The following REC8 variants were observed in gnomAD, a reference collection of about 807,000 sequenced individuals.
The protein encoded by REC8 is REC8 meiotic recombination protein.
A neutral mutation model predicts 78.3 loss-of-function variants in REC8; 42 were observed. The observed-to-expected ratio is 0.54, with a 90% confidence interval of 0.42 to 0.69. The LOEUF (loss-of-function observed/expected upper bound fraction) is 0.69. Among genes scored for constraint, REC8 ranks in the 30% least tolerant of loss-of-function variants. The pLI, the probability that REC8 is intolerant of heterozygous loss-of-function variation, is 0.00. For synonymous variants in REC8, 268 were observed against 274.1 expected, an observed-to-expected ratio of 0.98 and a Z score of 0.22; for missense variants, 581 against 715.8, an observed-to-expected ratio of 0.81 and a Z score of 2.15.
rs368398899 is a variant in REC8, at chr14:24,178,221, G to A, written c.995G>A (p.Cys332Tyr). The change falls in exon 12 of 19, where the codon TGT (cysteine) becomes TAT (tyrosine). Residue 332 changes from cysteine to tyrosine, a missense_variant and splice_region_variant. Transcript: ENST00000611366. ...QLQTRAHCWECPMVQPPERTI... is the reference protein window; with the variant it reads ...QLQTRAHCWEYPMVQPPERTI... Reference sequence around the variant, plus strand: ...CAAACCAGAGCCCACTGCTGGGAATGTGTGAGTGCAGCCCAGGCTTTGCCG... The same window carrying A: ...CAAACCAGAGCCCACTGCTGGGAATATGTGAGTGCAGCCCAGGCTTTGCCG... The A allele has an allele frequency of 1.9e-5, 30 of 1,613,362 alleles. No homozygotes were observed. Among genetic ancestry groups the A allele is most frequent in the Non-Finnish European group, 2.4e-5 (28 of 1,179,464 alleles).
In REC8 at chr14:24,180,093, T is replaced by C; in HGVS notation, c.1642T>C (p.Ter548ArgextTer2). ...LLIQPGPRFH* is the reference protein window; with the variant it reads ...LLIQPGPRFHR ...GATCCAGCCGGGGCCCAGATTCCACTGAGGTTAGAGTCCATTTACAAAGCT... is the reference window on the plus strand; with the variant it reads ...GATCCAGCCGGGGCCCAGATTCCACCGAGGTTAGAGTCCATTTACAAAGCT... The change falls in exon 19 of 19, where the codon TGA becomes CGA. Residue 548 changes from the stop codon to arginine (R), a stop_lost. Coordinates refer to ENST00000611366, the MANE Select transcript of REC8 (RefSeq NM_001048205.2). The C allele has an allele frequency of 6.2e-7, 1 of 1,614,152 alleles. No individual in the cohort carries two copies. The highest frequency in any genetic ancestry group is 8.5e-7 in the Non-Finnish European group (1 of 1,180,044).
At chr14:24,175,731 T>A in intron 6 of REC8, 107 bp downstream of exon 6, 1 of 764,510 alleles carries the variant, frequency 1.3e-6, no homozygotes, top group Non-Finnish European at 2.2e-6. Context: ...GGGCGCTTTT[T>A]TTTTTTTTCG....
At position 24,178,844 on chromosome 14, in the gene REC8, C is replaced by T; in HGVS notation, c.1131C>T (p.Leu377=). The part of the protein sequence containing the change: ...THCAQPPPKA[L]RRELPEEAAA... ...GTGCCCAGCCACCCCCAAAAGCCCT[C>T]AGGCGAGAGCTGCCTGAGGAGGCAG... Residue 377 remains leucine (L), a synonymous_variant, in exon 14 of 19, where the codon CTC becomes CTT. Transcript: ENST00000611366. The T allele has an allele frequency of 6.2e-7, 1 of 1,613,776 alleles. No individual in the cohort carries two copies. Among genetic ancestry groups the T allele is most frequent in the Non-Finnish European group, 8.5e-7 (1 of 1,180,004 alleles).
intron 11 of REC8, 22 bp downstream of exon 11, chr14:24,177,780 C>T (rs773376431): frequency 5.5e-6 from 8 of 1,455,584 alleles, no homozygotes; most frequent in East Asian, 4.7e-5. Flanking sequence ...CCCTTCTAAT[C>T]CTCCTCCTCC....
At chr14:24,173,519 C>T in intron 5 of REC8, 108 bp downstream of exon 5, 1 of 1,551,736 alleles carries the variant, frequency 6.4e-7, no homozygotes, top group Non-Finnish European at 8.7e-7. Flanking sequence ...ACAGCTCTCT[C>T]CCACAGGAGA....
In REC8 at chr14:24,172,890, G is replaced by T. The variant is rs377239745; in HGVS notation, c.126-9G>T. The T allele has an allele frequency of 1.9e-6, 3 of 1,613,196 alleles. No individual in the cohort carries two copies. The highest frequency in any genetic ancestry group is 2.5e-6 in the Non-Finnish European group (3 of 1,180,010). On this transcript the variant is annotated splice_polypyrimidine_tract_variant and intron_variant, in intron 2 of 18. Coordinates refer to ENST00000611366, the MANE Select transcript of REC8 (RefSeq NM_001048205.2). ...GACGCAGCGGTAATCAGGGCGCATT[G>T]TTCCCCAGCGAGGAAATCCTCAATT... is the stretch of plus-strand genomic sequence containing the variant.
In REC8 at chr14:24,176,429, G is replaced by C. The variant is rs1230957678; in HGVS notation, c.545-393G>C. On this transcript the variant is annotated intron_variant, in intron 6 of 18. Transcript: ENST00000611366. ...GATGATCATAGGTCACTGCAGCCTT[G>C]ACCTCCAGGGCTCAAGCAATCCTCC... 2.1e-5 allele frequency among the ~76,000 whole-genome samples: 3 copies of C among 143,838 alleles called. No individual in the cohort carries two copies. In the East Asian group the frequency reaches 6.3e-4, roughly 30 times the overall value. 94.4% of individuals were successfully genotyped at this position (143,838 alleles called of 152,430 possible). A position where few individuals can be genotyped will look rare whatever the true frequency, so the allele number is the denominator to read the frequency against.
Position 24,180,232 on chromosome 14 carries a change from G to A in REC8, c.*137G>A. 1 of 1,582,882 alleles carries A rather than the reference G, an allele frequency of 6.3e-7. No homozygotes were observed. Among genetic ancestry groups the A allele is most frequent in the South Asian group, 1.1e-5 (1 of 88,198 alleles). ...TGCTCTCAGAGCTATTGTTCAAGCA[G>A]AAAACAAGCTGCTTTTATTACAGTA... is the stretch of plus-strand genomic sequence containing the variant. On this transcript the variant is annotated 3_prime_UTR_variant, in exon 19 of 19. Transcript: ENST00000611366.
At chr14:24,180,450 G>T, downstream of REC8, 1 of 1,610,506 alleles carries the variant, frequency 6.2e-7, no homozygotes, top group Non-Finnish European at 8.5e-7. Context: ...GTCTAGGAGA[G>T]GCCCAGTACA....
rs1454064473 is a variant in REC8, at chr14:24,173,048, C to T, written c.268+7C>T. The T allele has an allele frequency of 1.9e-6, 3 of 1,609,890 alleles. No homozygotes were observed. Among genetic ancestry groups the T allele is most frequent in the East Asian group, 2.2e-5 (1 of 44,904 alleles). On this transcript the variant is annotated splice_region_variant and intron_variant, in intron 3 of 18. Coordinates refer to ENST00000611366, the MANE Select transcript of REC8 (RefSeq NM_001048205.2). ...CAATGCCAGTACCTCGTGGGTAAGG[C>T]TGGGAACCCTCAAAGGTGGGGCGGG...
chr14:24,175,702 A>G (rs1290945230), intron 6 of REC8, 78 bp downstream of exon 6: 1 of 1,160,744 alleles, frequency 8.6e-7, no homozygotes, highest in East Asian at 2.4e-5. Flanking sequence ...TTTTGAGCTT[A>G]AGAGCCAGGC....
At position 24,172,894 on chromosome 14, in the gene REC8, C is replaced by T. The variant is rs2038730416; in HGVS notation, c.126-5C>T. On this transcript the variant is annotated splice_polypyrimidine_tract_variant and splice_region_variant and intron_variant, in intron 2 of 18. Coordinates refer to ENST00000611366, the MANE Select transcript of REC8 (RefSeq NM_001048205.2). ...CAGCGGTAATCAGGGCGCATTGTTC[C>T]CCAGCGAGGAAATCCTCAATTACGT... 1.2e-6 allele frequency: 2 copies of T among 1,613,146 alleles called. No individual in the cohort carries two copies. Among genetic ancestry groups the T allele is most frequent in the Non-Finnish European group, 1.7e-6 (2 of 1,180,012 alleles).
In REC8 at chr14:24,172,928, G is replaced by A. The variant is rs1343819607; in HGVS notation, c.155G>A (p.Arg52Gln). ...GAAATCCTCAATTACGTGCTGGTAC[G>A]AGTGCAACCCCCGCAGCCCGGCCTG... ...CEEILNYVLV[R>Q]VQPPQPGLPR... is the part of the protein sequence containing the mutation. The change falls in exon 3 of 19, where the codon CGA (arginine) becomes CAA (glutamine). Residue 52 changes from arginine (R) to glutamine (Q), a missense_variant. By Grantham distance (43) the Arg-to-Gln change is conservative. Transcript: ENST00000611366. 1 of 1,611,688 alleles carries A rather than the reference G, an allele frequency of 6.2e-7. No homozygotes were observed.
chr14:24,173,198 T>G lies in REC8; in HGVS notation c.341T>G (p.Leu114Arg). ...ATCCGAATAGATATGGAGACTGAGC[T>G]GTGAGTGTGCCCTGGGCCTTTGATG... ...LQIRIDMETE[L>R]PSLLLPNHLA... The change falls in exon 4 of 19, where the codon CTA becomes CGA. Residue 114 changes from leucine to arginine, a missense_variant and splice_region_variant. Physicochemically the swap from Leu to Arg is moderately radical, Grantham distance 102. Coordinates refer to ENST00000611366, the MANE Select transcript of REC8 (RefSeq NM_001048205.2). The G allele has an allele frequency of 6.2e-7, 1 of 1,614,216 alleles. No individual in the cohort carries two copies. The highest frequency in any genetic ancestry group is 2.2e-5 in the East Asian group (1 of 44,886).
In REC8 at chr14:24,178,864, A is replaced by C. The variant is rs759844614; in HGVS notation, c.1151A>C (p.Glu384Ala). Reference sequence around the variant, plus strand: ...GCCCTCAGGCGAGAGCTGCCTGAGGAGGCAGCCGCTGAGGAGGAAAGGAGA... The same window carrying C: ...GCCCTCAGGCGAGAGCTGCCTGAGGCGGCAGCCGCTGAGGAGGAAAGGAGA... The part of the protein sequence containing the change: ...PKALRRELPE[E>A]AAAEEERRKI... Residue 384 changes from glutamate to alanine, a missense_variant, in exon 14 of 19, where the codon GAG becomes GCG. Transcript: ENST00000611366. 6.2e-6 allele frequency: 10 copies of C among 1,613,494 alleles called. No individual in the cohort carries two copies. The South Asian group carries it at 1.1e-4, about 18-fold the overall frequency.
At position 24,178,635 on chromosome 14, in the gene REC8, C is replaced by T; in HGVS notation, c.1026C>T (p.Ile342=). 1.2e-6 allele frequency: 2 copies of T among 1,614,086 alleles called. No individual in the cohort carries two copies. Among genetic ancestry groups the T allele is most frequent in the Non-Finnish European group, 1.7e-6 (2 of 1,179,992 alleles). ...TGGTGCAGCCGCCCGAGAGGACCAT[C>T]AGAGGCCCTGCGGAGTTGTTCAGAA... is the stretch of plus-strand genomic sequence containing the variant. ...CPMVQPPERT[I]RGPAELFRTP... is the part of the protein sequence containing the mutation. The change falls in exon 13 of 19, where the codon ATC becomes ATT. Residue 342 remains isoleucine, a synonymous_variant. Transcript: ENST00000611366.
chr14:24,180,115 A>G lies in REC8; in HGVS notation c.*20A>G, dbSNP rs1566639323. 6.2e-7 allele frequency: 1 copy of G among 1,614,114 alleles called. No individual in the cohort carries two copies. Among genetic ancestry groups the G allele is most frequent in the South Asian group, 1.1e-5 (1 of 91,082 alleles). On this transcript the variant is annotated 3_prime_UTR_variant, in exon 19 of 19. Coordinates refer to ENST00000611366, the MANE Select transcript of REC8 (RefSeq NM_001048205.2). Reference sequence around the variant, plus strand: ...CACTGAGGTTAGAGTCCATTTACAAAGCTGCCAGGAAACCGGCCACTTCTA... The same window carrying G: ...CACTGAGGTTAGAGTCCATTTACAAGGCTGCCAGGAAACCGGCCACTTCTA...
chr14:24,172,687 T>C, intron 1 of REC8, 26 bp from the exon 2 acceptor site: 1 of 1,613,956 alleles, frequency 6.2e-7, no homozygotes. Context: ...CCATCCCCAT[T>C]CTCCCACCTT....
chr14:24,179,152 G>A lies in REC8; in HGVS notation c.1252+19G>A. 6.4e-7 allele frequency: 1 copy of A among 1,558,544 alleles called. No individual in the cohort carries two copies. On this transcript the variant is annotated intron_variant, in intron 15 of 18. Coordinates refer to ENST00000611366, the MANE Select transcript of REC8 (RefSeq NM_001048205.2). ...TCTTTAGGTAAGCACCTAGAGAAGA[G>A]GCGCAGTGGGACCACACCCTAACCA...
Sources: gnomAD v4.1 joint callset for allele counts (sites outside exome capture counted in the v4.1 genomes callset) on GRCh38, gnomAD v4.1.1 for gene constraint, MANE v1.5 for transcripts, NCBI Gene and HGNC (gene_info 2026-07-23, HGNC 2026-07-21) for gene names.